Variants in STARD13 observed in about 807,000 individuals in gnomAD.
STARD13 encodes the protein StAR related lipid transfer domain containing 13, also known as stAR-related lipid transfer protein 13.
A neutral mutation model predicts 106.4 loss-of-function variants in STARD13; 62 were observed. The observed-to-expected ratio is 0.58, with a 90% CI of 0.48 to 0.72. STARD13 has a LOEUF of 0.72. Among genes scored for constraint, STARD13 ranks in the 30% least tolerant of loss-of-function variants. The pLI is 0.00. For synonymous variants in STARD13, 565 were observed against 553.0 expected (o/e 1.02, Z -0.31); for missense variants, 1,387 against 1,424.0 (o/e 0.97, Z 0.42).
At position 33,341,471 on chromosome 13, in the gene STARD13, T is replaced by C. The variant is rs1283857122; in HGVS notation, c.124+8819A>G. 3.3e-5 allele frequency among the ~76,000 whole-genome samples: 5 copies of C among 151,626 alleles called. No homozygotes were observed. The East Asian group carries it at 9.8e-4, about 30-fold the overall frequency. ...CGCTAACATGGTGAAATCCTGTCTC[T>C]ACTAAAAATACAAAAAAATTAGCCG... On this transcript the variant is annotated intron_variant, in intron 1 of 5. Coordinates refer to the STARD13 transcript ENST00000567873.
the STARD13 span, among the ~76,000 whole-genome samples, chr13:33,361,344 T>C: frequency 2.0e-5 from 3 of 150,582 alleles, no homozygotes; most frequent in Admixed American, 6.7e-5. Flanking sequence ...ATATAATACA[T>C]GTAACATAAC....
At chr13:33,326,581 C>T (rs917335326) in intron 1 of STARD13, among the ~76,000 whole-genome samples, 1 of 152,212 alleles carries the variant, frequency 6.6e-6, no homozygotes, top group African/African-American at 2.4e-5. Context: ...CACACATCAA[C>T]AGCCTCACAA....
the STARD13 span, among the ~76,000 whole-genome samples, chr13:33,632,557 A>T: frequency 6.6e-6 from 1 of 152,152 alleles, no homozygotes; most frequent in African/African-American, 2.4e-5. Flanking sequence ...AAGTTCAGAA[A>T]ATGGGTTGGA....
chr13:33,129,631 T>C lies in STARD13; in HGVS notation c.1046A>G (p.Lys349Arg). The change falls in exon 5 of 14, where the codon AAG becomes AGG. Residue 349 changes from lysine to arginine, a missense_variant. By Grantham distance (26) the Lys-to-Arg change is conservative (BLOSUM62 2). Coordinates refer to ENST00000336934, the MANE Select transcript of STARD13 (RefSeq NM_178006.4). ...SSSGVSTPCL[K>R]ERKCHEANKR... Reference sequence around the variant, plus strand: ...GTTGGCCTCGTGGCACTTGCGTTCCTTCAGGCAGGGCGTGCTCACCCCGCT... The same window carrying C: ...GTTGGCCTCGTGGCACTTGCGTTCCCTCAGGCAGGGCGTGCTCACCCCGCT... 1 of 1,614,024 alleles carries C rather than the reference T, an allele frequency of 6.2e-7. No individual in the cohort carries two copies. The highest frequency in any genetic ancestry group is 8.5e-7 in the Non-Finnish European group (1 of 1,180,038).
chr13:33,599,703 A>G, the STARD13 span, among the ~76,000 whole-genome samples: 1 of 152,146 alleles, frequency 6.6e-6, no homozygotes, highest in South Asian at 2.1e-4. Flanking sequence ...TAGCGCTATG[A>G]GAGAGAGAGT....
At chr13:33,439,498 A>G in the STARD13 span, among the ~76,000 whole-genome samples, 4 of 152,262 alleles carry the variant, frequency 2.6e-5, no homozygotes, top group Non-Finnish European at 5.9e-5. Context: ...CATGAGGACC[A>G]GAGAAAACCC....
At chr13:33,571,833 G>A in the STARD13 span, among the ~76,000 whole-genome samples, 1 of 152,056 alleles carries the variant, frequency 6.6e-6, no homozygotes, top group South Asian at 2.1e-4. Flanking sequence ...TATTTAAGAG[G>A]ACCTGAAACC....
the STARD13 span, among the ~76,000 whole-genome samples, chr13:33,503,483 A>G: frequency 2.0e-5 from 3 of 152,114 alleles, no homozygotes; most frequent in Admixed American, 2.0e-4. Context: ...TAAGGTGTCA[A>G]TTTTAGATCT....
chr13:33,614,419 G>A, the STARD13 span, among the ~76,000 whole-genome samples: 1 of 152,220 alleles, frequency 6.6e-6, no homozygotes, highest in South Asian at 2.1e-4. Context: ...TGAGACCAAT[G>A]TTGACCCTAC....
At chr13:33,374,560 C>T in the STARD13 span, among the ~76,000 whole-genome samples, 21 of 152,124 alleles carry the variant, frequency 1.4e-4, no homozygotes, top group Admixed American at 7.8e-4. Flanking sequence ...AGAGAGATAG[C>T]GGCAAGCCAC....
the STARD13 span, among the ~76,000 whole-genome samples, chr13:33,504,820 C>T: frequency 3.3e-5 from 5 of 152,114 alleles, no homozygotes; most frequent in African/African-American, 4.8e-5. Context: ...AGGGATTATA[C>T]GCCTGAGCCA....
At chr13:33,396,824 C>G in the STARD13 span, among the ~76,000 whole-genome samples, 1 of 152,098 alleles carries the variant, frequency 6.6e-6, no homozygotes, top group East Asian at 1.9e-4. Context: ...GGAGGTAGCA[C>G]AGAAACAGGA....
At chr13:33,264,042 A>T (rs1890773948) in intron 1 of STARD13, among the ~76,000 whole-genome samples, 1 of 152,190 alleles carries the variant, frequency 6.6e-6, no homozygotes, top group Non-Finnish European at 1.5e-5. Context: ...GGGAAGAAGG[A>T]AGCCTGGGCA....
At chr13:33,226,157 A>G (rs1456597486) in intron 1 of STARD13, among the ~76,000 whole-genome samples, 1 of 152,256 alleles carries the variant, frequency 6.6e-6, no homozygotes, top group Non-Finnish European at 1.5e-5. Context: ...CATCCTCCAG[A>G]ACTGTGAGAA....
chr13:33,349,100 G>T (rs989513210), exon 2 of STARD13: 6 of 702,144 alleles, frequency 8.5e-6, no homozygotes, highest in Middle Eastern at 2.3e-4. Context: ...GTTCAAAGAA[G>T]GTTAAATCTC....
Position 33,285,522 on chromosome 13 carries a change from G to A in STARD13, c.117C>T (p.Tyr39=). Residue 39 remains tyrosine (Y), a synonymous_variant, in exon 1 of 14, where the codon TAC becomes TAT. Transcript: ENST00000336934. The part of the protein sequence containing the change: ...RFDQTTRRSP[Y]RMSRILARHQ... ...GGCGTGCTAGAATCCGGCTCATCCT[G>A]TAAGGAGAGCGTCTTGTAGTCTGAT... The A allele has an allele frequency of 6.2e-7, 1 of 1,614,074 alleles. No homozygotes were observed. The highest frequency in any genetic ancestry group is 8.5e-7 in the Non-Finnish European group (1 of 1,179,928).
chr13:33,552,267 A>C, the STARD13 span, among the ~76,000 whole-genome samples: 1 of 152,126 alleles, frequency 6.6e-6, no homozygotes, highest in South Asian at 2.1e-4. Context: ...ATCACTTAAC[A>C]CTTACACAAC....
At chr13:33,286,037 CA>C (rs1892046111), upstream of STARD13, among the ~76,000 whole-genome samples, 1 of 152,046 alleles carries the variant, frequency 6.6e-6, no homozygotes, top group South Asian at 2.1e-4. Context: ...AAGTAGAAGA[CA>C]AACAAGTCCA....
chr13:33,163,659 ATATATATATAACATATATATAAAACAT>A (rs1326379733), intron 3 of STARD13, among the ~76,000 whole-genome samples: 1 of 30,412 alleles, frequency 3.3e-5, no homozygotes, highest in African/African-American at 8.9e-5. Context: ...TATATAAAAC[ATATATATATAACATATATATAAAACAT>A]ATATATATAT....
Sources: gnomAD v4.1 joint callset for allele counts (sites outside exome capture counted in the v4.1 genomes callset) on GRCh38, gnomAD v4.1.1 for gene constraint, MANE v1.5 for transcripts, NCBI Gene and HGNC (gene_info 2026-07-23, HGNC 2026-07-21) for gene names.